Variants in SLC27A6 observed in about 807,000 individuals in gnomAD.
SLC27A6 encodes solute carrier family 27 member 6.
In SLC27A6, 74 loss-of-function variants were observed where a neutral mutation model predicts 63.9. The observed-to-expected ratio is 1.16, with a 90% CI of 0.96 to 1.40. The LOEUF is 1.40. SLC27A6 is among the 40% of genes most tolerant of loss of function. The pLI is 0.00. For missense variants in SLC27A6, 794 were observed against 732.9 expected (o/e 1.08, Z -0.96); for synonymous variants, 287 against 260.8 (o/e 1.10, Z -0.97).
At chr5:128,975,752 C>G (rs1429708718) in intron 1 of SLC27A6, among the ~76,000 whole-genome samples, 2 of 152,162 alleles carry the variant, frequency 1.3e-5, no homozygotes, top group Non-Finnish European at 2.9e-5. Context: ...CACATTCAGA[C>G]TTGCCCCTTC....
intron 4 of SLC27A6, among the ~76,000 whole-genome samples, chr5:128,999,860 T>C (rs1751274957): frequency 6.6e-6 from 1 of 152,160 alleles, no homozygotes; most frequent in African/African-American, 2.4e-5. Flanking sequence ...TTGGGTAGAC[T>C]GATGTTATAC....
intron 1 of SLC27A6, among the ~76,000 whole-genome samples, chr5:128,983,504 A>G (rs1397684154): frequency 6.6e-6 from 1 of 151,998 alleles, no homozygotes; most frequent in Non-Finnish European, 1.5e-5. Flanking sequence ...CATGTTGGCC[A>G]GGCTGGTCTC....
intron 1 of SLC27A6, among the ~76,000 whole-genome samples, chr5:128,980,224 C>G (rs1270330607): frequency 6.6e-6 from 1 of 152,130 alleles, no homozygotes; most frequent in Non-Finnish European, 1.5e-5. Flanking sequence ...ACCACCACCA[C>G]AGCAGACACC....
At chr5:129,027,067 A>G in intron 6 of SLC27A6, 66 bp from the exon 7 acceptor site, 3 of 1,258,808 alleles carry the variant, frequency 2.4e-6, no homozygotes, top group Non-Finnish European at 3.5e-6. Flanking sequence ...TAATATAGAT[A>G]CATTCATGGT....
At chr5:129,022,905 A>G (rs950377601) in intron 5 of SLC27A6, among the ~76,000 whole-genome samples, 2 of 152,098 alleles carry the variant, frequency 1.3e-5, no homozygotes, top group African/African-American at 4.8e-5. Flanking sequence ...TTAGGGGACA[A>G]ATGAGCCTGC....
At chr5:128,990,015 C>G (rs897476364) in intron 3 of SLC27A6, among the ~76,000 whole-genome samples, 2 of 151,474 alleles carry the variant, frequency 1.3e-5, no homozygotes, top group African/African-American at 4.8e-5. Flanking sequence ...AGTGAATATT[C>G]TTGGCTTCTA....
chr5:128,973,648 G>A (rs891667436), intron 1 of SLC27A6, among the ~76,000 whole-genome samples: 2 of 152,224 alleles, frequency 1.3e-5, no homozygotes, highest in African/African-American at 4.8e-5. Context: ...ATTAGAGTGA[G>A]AGTATCCCGA....
At chr5:128,986,726 C>T (rs536797370) in intron 2 of SLC27A6, among the ~76,000 whole-genome samples, 42 of 152,198 alleles carry the variant, frequency 2.8e-4, no homozygotes, top group Admixed American at 2.4e-3. Context: ...TAGAAGTTGG[C>T]AGATTGAACA....
intron 9 of SLC27A6, 92 bp from the exon 10 acceptor site, chr5:129,033,014 C>T: frequency 3.0e-6 from 2 of 674,538 alleles, no homozygotes; most frequent in Non-Finnish European, 4.5e-6. Flanking sequence ...TATAAAGTGT[C>T]ATAATTTAAT....
chr5:128,966,525 T>A lies in SLC27A6; in HGVS notation c.388T>A (p.Cys130Ser), dbSNP rs756516337. The A allele has an allele frequency of 6.3e-7, 1 of 1,599,896 alleles. No individual in the cohort carries two copies. Among genetic ancestry groups the A allele is most frequent in the South Asian group, 1.1e-5 (1 of 88,284 alleles). ...HVWFGLAKLG[C>S]VVAFLNTNIR... Reference sequence around the variant, plus strand: ...GTGGTTCGGCCTCGCCAAGCTGGGCTGCGTGGTGGCCTTTCTCAACACCAA... The same window carrying A: ...GTGGTTCGGCCTCGCCAAGCTGGGCAGCGTGGTGGCCTTTCTCAACACCAA... The change falls in exon 1 of 10, where the codon TGC becomes AGC. Residue 130 changes from cysteine to serine, a missense_variant. By Grantham distance (112) the Cys-to-Ser change is moderately radical (BLOSUM62 -1). Transcript: ENST00000262462.
chr5:128,979,223 T>A (rs908198379), intron 1 of SLC27A6, among the ~76,000 whole-genome samples: 1 of 132,950 alleles, frequency 7.5e-6, no homozygotes, highest in African/African-American at 2.6e-5. Flanking sequence ...GAAACCCACG[T>A]AGTGTGTTAC....
intron 2 of SLC27A6, among the ~76,000 whole-genome samples, chr5:128,985,818 C>G (rs534578638): frequency 6.6e-6 from 1 of 152,204 alleles, no homozygotes; most frequent in East Asian, 1.9e-4. Flanking sequence ...ATTATTAAAT[C>G]CTAAACATAA....
chr5:128,989,067 T>G (rs1561617235), intron 3 of SLC27A6, among the ~76,000 whole-genome samples: 1 of 152,132 alleles, frequency 6.6e-6, no homozygotes, highest in Admixed American at 6.5e-5. Context: ...GTAGTAGAAA[T>G]GTTCCAAGGG....
chr5:129,023,569 G>A (rs1554099119), intron 5 of SLC27A6, 51 bp from the exon 6 acceptor site: 6 of 1,315,348 alleles, frequency 4.6e-6, no homozygotes, highest in South Asian at 3.7e-5. Context: ...GTAACTAAAT[G>A]CACAAGTAAC....
chr5:128,998,683 A>G (rs909635631), intron 4 of SLC27A6, among the ~76,000 whole-genome samples: 3 of 152,166 alleles, frequency 2.0e-5, no homozygotes, highest in Non-Finnish European at 4.4e-5. Context: ...TTTAACATTT[A>G]AAAACTTATG....
At chr5:128,984,989 A>G (rs1210853470) in intron 1 of SLC27A6, 144 bp from the exon 2 acceptor site, 2 of 637,222 alleles carry the variant, frequency 3.1e-6, no homozygotes, top group East Asian at 2.7e-5. Context: ...CCATAAAATG[A>G]CTGTGATATT....
intron 1 of SLC27A6, among the ~76,000 whole-genome samples, chr5:128,979,990 G>A (rs1450582526): frequency 2.0e-5 from 3 of 152,176 alleles, no homozygotes; most frequent in African/African-American, 7.2e-5. Context: ...ATGCCCTTTT[G>A]GGTGGGAAGA....
chr5:129,008,960 G>T (rs192393715), intron 4 of SLC27A6, among the ~76,000 whole-genome samples: 1 of 148,814 alleles, frequency 6.7e-6, no homozygotes, highest in African/African-American at 2.5e-5. Context: ...TCCTCCTCCC[G>T]GGTTCAAGCA....
Position 128,966,220 on chromosome 5 carries a change from G to T in SLC27A6, c.83G>T (p.Trp28Leu), listed in dbSNP as rs749987759. 6.2e-7 allele frequency: 1 copy of T among 1,610,778 alleles called. No homozygotes were observed. The highest frequency in any genetic ancestry group is 2.2e-5 in the East Asian group (1 of 44,872). The change falls in exon 1 of 10, where the codon TGG becomes TTG. Residue 28 changes from tryptophan to leucine, a missense_variant. Coordinates refer to ENST00000262462, the MANE Select transcript of SLC27A6 (RefSeq NM_001017372.3). ...FLQKLLFPYF[W>L]DDFWFVLKVV... Reference sequence around the variant, plus strand: ...CAGAAACTCCTGTTCCCTTACTTTTGGGATGACTTCTGGTTCGTGTTGAAG... The same window carrying T: ...CAGAAACTCCTGTTCCCTTACTTTTTGGATGACTTCTGGTTCGTGTTGAAG...
Sources: allele counts gnomAD v4.1 joint callset (sites outside exome capture counted in the v4.1 genomes callset), GRCh38; gene constraint gnomAD v4.1.1; transcripts MANE v1.5; gene names NCBI Gene and HGNC (gene_info 2026-07-23, HGNC 2026-07-21).